Variants in NCOA2 observed in about 807,000 individuals in gnomAD.
The protein encoded by NCOA2 is class E basic helix-loop-helix protein 75.
NCOA2 carries 21 observed loss-of-function variants against 145.1 expected under a neutral mutation model. That is an observed-to-expected ratio of 0.14 (90% confidence interval 0.10 to 0.21). The LOEUF is 0.21. Among genes scored for constraint, NCOA2 ranks in the 10% least tolerant of loss-of-function variants. NCOA2 has a pLI of 1.00. For synonymous variants in NCOA2, 619 were observed against 637.5 expected (o/e 0.97, Z 0.44); for missense variants, 1,472 against 1,837.6 (o/e 0.80, Z 3.64).
rs1806587168 is a variant in NCOA2 at position 70,112,095 on chromosome 8, A to C, written c.*1537T>G. The stretch of plus-strand genomic sequence containing the variant: ...GTCTTTCTAAGGTTCATTAAGAAAG[A>C]ATATAAACATATAAAAATCAAGAAT... On this transcript the variant is annotated 3_prime_UTR_variant, in exon 23 of 23. Transcript: ENST00000452400. 1 of 204,894 alleles carries C rather than the reference A, an allele frequency of 4.9e-6. No homozygotes were observed. Among genetic ancestry groups the C allele is most frequent in the African/African-American group, 2.3e-5 (1 of 43,792 alleles). The allele number at this position is 204,894 out of a possible 1,614,324, so 12.7% of individuals were successfully genotyped here.
intron 1 of NCOA2, among the ~76,000 whole-genome samples, chr8:70,355,100 G>A (rs190339002): frequency 3.3e-5 from 5 of 152,260 alleles, no homozygotes; most frequent in East Asian, 1.9e-4. Context: ...TATATATGGC[G>A]AAATGAATGC....
chr8:70,369,540 T>C (rs892135556), intron 1 of NCOA2, among the ~76,000 whole-genome samples: 2 of 152,248 alleles, frequency 1.3e-5, no homozygotes, highest in African/African-American at 4.8e-5. Context: ...AGTTTCACTG[T>C]GTCTTGCTCC....
rs1021644193 is a variant in NCOA2 at position 70,162,946 on chromosome 8, A to G, written c.833-92T>C. On this transcript the variant is annotated intron_variant, in intron 8 of 22. Coordinates refer to ENST00000452400, the MANE Select transcript of NCOA2 (RefSeq NM_006540.4). ...TTTTTTTTTTTTGAGACAGAGTCTCACTCTATCGTCCAGGCTGGAGTGCAG... is the reference window on the plus strand; with the variant it reads ...TTTTTTTTTTTTGAGACAGAGTCTCGCTCTATCGTCCAGGCTGGAGTGCAG... 2.7e-5 allele frequency: 33 copies of G among 1,227,636 alleles called. No homozygotes were observed. The Middle Eastern group carries it at 1.5e-3, about 57-fold the overall frequency. The allele number at this position is 1,227,636 out of a possible 1,614,324, so 76.0% of individuals were successfully genotyped here.
intron 1 of NCOA2, among the ~76,000 whole-genome samples, chr8:70,400,587 A>T (rs1326421353): frequency 1.3e-5 from 2 of 152,164 alleles, no homozygotes; most frequent in Non-Finnish European, 2.9e-5. Context: ...ATGTTGTCAA[A>T]TTTTGAATGT....
intron 1 of NCOA2, among the ~76,000 whole-genome samples, chr8:70,349,648 T>G (rs994250247): frequency 6.6e-6 from 1 of 152,110 alleles, no homozygotes; most frequent in African/African-American, 2.4e-5. Context: ...ACTCCTAAGC[T>G]TTCCATAAAT....
rs971036925 is a variant in NCOA2 at position 70,110,097 on chromosome 8, A to C, written c.*3535T>G. The C allele has an allele frequency of 2.5e-5, 5 of 197,154 alleles. No homozygotes were observed. The highest frequency in any genetic ancestry group is 1.2e-4 in the African/African-American group (5 of 43,410). The allele number at this position is 197,154 out of a possible 1,614,324, so 12.2% of individuals were successfully genotyped here. Reference sequence around the variant, plus strand: ...ATATTGCTTAATTTTACCCTTGTATAATCTTTTCATATACACACATCTCAG... The same window carrying C: ...ATATTGCTTAATTTTACCCTTGTATCATCTTTTCATATACACACATCTCAG... On this transcript the variant is annotated 3_prime_UTR_variant, in exon 23 of 23. Transcript: ENST00000452400.
intron 1 of NCOA2, among the ~76,000 whole-genome samples, chr8:70,323,529 G>A (rs1220404010): frequency 6.6e-6 from 1 of 151,962 alleles, no homozygotes; most frequent in Non-Finnish European, 1.5e-5. Flanking sequence ...TGATATTAAG[G>A]GTGCTAACAG....
chr8:70,307,472 G>A (rs1354720119), intron 1 of NCOA2, among the ~76,000 whole-genome samples: 1 of 152,146 alleles, frequency 6.6e-6, no homozygotes, highest in African/African-American at 2.4e-5. Flanking sequence ...AAACATCCAT[G>A]AAATTTTCTA....
At chr8:70,146,459 T>C (rs1034536813) in intron 12 of NCOA2, among the ~76,000 whole-genome samples, 3 of 152,210 alleles carry the variant, frequency 2.0e-5, no homozygotes, top group African/African-American at 4.8e-5. Flanking sequence ...TAGTCTGAAA[T>C]AGCACATTTA....
intron 5 of NCOA2, 104 bp from the exon 6 acceptor site, chr8:70,170,483 A>G (rs2958370): frequency 0.88 from 809,541 of 922,148 alleles, 358,649 homozygotes; most frequent in African/African-American, 0.95. Context: ...ATTCACACAC[A>G]GATAGAAAAG....
At chr8:70,182,655 C>T (rs1453871385) in intron 4 of NCOA2, among the ~76,000 whole-genome samples, 1 of 152,068 alleles carries the variant, frequency 6.6e-6, no homozygotes, top group Non-Finnish European at 1.5e-5. Flanking sequence ...TGTAATAGCC[C>T]ACTTCATATA....
chr8:70,187,573 G>A (rs1303678015), intron 4 of NCOA2, among the ~76,000 whole-genome samples: 4 of 152,150 alleles, frequency 2.6e-5, no homozygotes, highest in African/African-American at 9.7e-5. Context: ...TGAGCACCAT[G>A]GCTATGGATG....
At chr8:70,424,781 G>A in the NCOA2 span, among the ~76,000 whole-genome samples, 4 of 152,210 alleles carry the variant, frequency 2.6e-5, no homozygotes, top group Non-Finnish European at 5.9e-5. Context: ...ATTTAAGCAC[G>A]CAAATGTGAA....
At chr8:70,443,840 G>C in the NCOA2 span, among the ~76,000 whole-genome samples, 3 of 152,072 alleles carry the variant, frequency 2.0e-5, no homozygotes, top group Admixed American at 1.3e-4. Flanking sequence ...CTCCCAAAGT[G>C]CTGCAATTAC....
At position 70,341,081 on chromosome 8, in the gene NCOA2, T is replaced by TAAAAAAAAA. The variant is rs1563782941; in HGVS notation, c.-76-44282_-76-44281insTTTTTTTTT. Among the ~76,000 whole-genome samples, 40 of 95,996 alleles carry TAAAAAAAAA rather than the reference T, an allele frequency of 4.2e-4. 1 individual carries two copies. The highest frequency in any genetic ancestry group is 2.3e-3 in the African/African-American group (39 of 16,798). 63.0% of individuals were successfully genotyped at this position (95,996 alleles called of 152,430 possible). A position where few individuals can be genotyped will look rare whatever the true frequency, so the allele number is the denominator to read the frequency against. On this transcript the variant is annotated intron_variant, in intron 1 of 22. Transcript: ENST00000452400. ...ATGTGTACCCCTGAACTTAAAAAGT[T>TAAAAAAAAA]GAAAAAAAAAAAAAAAGAAACAAAT...
chr8:70,240,005 A>G (rs914164375), intron 2 of NCOA2, among the ~76,000 whole-genome samples: 2 of 152,132 alleles, frequency 1.3e-5, no homozygotes, highest in Admixed American at 6.6e-5. Flanking sequence ...CTTGTGCCCA[A>G]TCCTTCCAGA....
intron 1 of NCOA2, among the ~76,000 whole-genome samples, chr8:70,385,212 A>C (rs1161925043): frequency 6.6e-6 from 1 of 152,206 alleles, no homozygotes; most frequent in Non-Finnish European, 1.5e-5. Flanking sequence ...TTATAATACC[A>C]AATAACTAAC....
At chr8:70,358,982 A>C (rs1317414271) in intron 1 of NCOA2, among the ~76,000 whole-genome samples, 2 of 152,244 alleles carry the variant, frequency 1.3e-5, no homozygotes, top group African/African-American at 2.4e-5. Flanking sequence ...AGATGTCAAC[A>C]TCATTGGTCA....
intron 2 of NCOA2, among the ~76,000 whole-genome samples, chr8:70,251,954 G>C (rs1823220325): frequency 6.6e-6 from 1 of 152,144 alleles, no homozygotes; most frequent in Non-Finnish European, 1.5e-5. Context: ...CAAATCCTCA[G>C]ATGCTCAAGT....
Sources: allele counts gnomAD v4.1 joint callset (sites outside exome capture counted in the v4.1 genomes callset), GRCh38; gene constraint gnomAD v4.1.1; transcripts MANE v1.5; gene names NCBI Gene and HGNC (gene_info 2026-07-23, HGNC 2026-07-21).